MUSK: variants seen among roughly 807,000 people sequenced by gnomAD.
MUSK encodes the protein muscle, skeletal receptor tyrosine-protein kinase.
MUSK carries 55 observed loss-of-function variants against 88.7 expected under a neutral mutation model. That is an observed-to-expected ratio of 0.62 (90% CI 0.50 to 0.78). MUSK has a LOEUF of 0.78. Among genes scored for constraint, MUSK ranks in the 30% least tolerant of loss-of-function variants. The pLI, the probability that MUSK is intolerant of heterozygous loss-of-function variation, is 0.00. For missense variants in MUSK, 1,015 were observed against 1,074.3 expected, an observed-to-expected ratio of 0.94 and a Z score of 0.77; for synonymous variants, 387 against 391.9, an observed-to-expected ratio of 0.99 and a Z score of 0.15.
chr9:110,705,944 G>A, intron 5 of MUSK: 1 of 362,646 alleles, frequency 2.8e-6, no homozygotes, highest in Admixed American at 3.5e-5. Flanking sequence ...TACATTCTAA[G>A]ATGCTCATTA....
chr9:110,700,248 A>G (rs1016635976), intron 5 of MUSK, among the ~76,000 whole-genome samples: 12 of 152,194 alleles, frequency 7.9e-5, no homozygotes, highest in Non-Finnish European at 1.5e-4. Context: ...TTTAATTCTC[A>G]CTAAAAGTCT....
rs79170031 is a variant in MUSK, at chr9:110,703,062, C to G, written c.628+5596C>G. On this transcript the variant is annotated intron_variant, in intron 5 of 14. Coordinates refer to ENST00000374448, the MANE Select transcript of MUSK (RefSeq NM_005592.4). ...TTACATAGGCTTTTCATGGATATAC[C>G]TACACTGAGGATGAGTTCACAATGC... is the stretch of plus-strand genomic sequence containing the variant. 3.8e-3 allele frequency among the ~76,000 whole-genome samples: 579 copies of G among 152,160 alleles called. 3 individuals are homozygous for G. The highest frequency in any genetic ancestry group is 0.014 in the African/African-American group (561 of 41,512).
At chr9:110,728,848 T>G in intron 5 of MUSK, 1 of 641,112 alleles carries the variant, frequency 1.6e-6, no homozygotes. Context: ...TGGGGAATAT[T>G]AAGTCACAGC....
chr9:110,740,907 C>T (rs1197591357), intron 6 of MUSK, among the ~76,000 whole-genome samples: 1 of 151,994 alleles, frequency 6.6e-6, no homozygotes, highest in Non-Finnish European at 1.5e-5. Flanking sequence ...AGGCAAATAC[C>T]AAATGATCTC....
intron 11 of MUSK, 66 bp from the exon 12 acceptor site, chr9:110,784,749 C>A (rs1013264799): frequency 8.6e-6 from 11 of 1,272,080 alleles, no homozygotes; most frequent in Non-Finnish European, 1.2e-5. Flanking sequence ...TTACTGATTG[C>A]TTAAATACAA....
intron 3 of MUSK, 45 bp downstream of exon 3, chr9:110,687,313 G>T (rs762438306): frequency 6.2e-7 from 1 of 1,606,954 alleles, no homozygotes; most frequent in Non-Finnish European, 8.5e-7. Context: ...AGTTGACTTG[G>T]TACACTTAGT....
chr9:110,722,571 G>T (rs549936085), intron 5 of MUSK, among the ~76,000 whole-genome samples: 13 of 151,804 alleles, frequency 8.6e-5, no homozygotes, highest in African/African-American at 3.1e-4. Context: ...AAACTAAAAA[G>T]CTTCTGTACA....
intron 6 of MUSK, among the ~76,000 whole-genome samples, chr9:110,746,783 A>G (rs528597479): frequency 6.6e-6 from 1 of 152,240 alleles, no homozygotes; most frequent in East Asian, 1.9e-4. Flanking sequence ...CCTACTAAGG[A>G]TGTTTTCGGT....
chr9:110,740,773 T>C (rs1201260933), intron 6 of MUSK, among the ~76,000 whole-genome samples: 1 of 152,110 alleles, frequency 6.6e-6, no homozygotes, highest in Non-Finnish European at 1.5e-5. Context: ...TTCAGAAAGA[T>C]AGAAGGGAAG....
chr9:110,689,328 A>ATT, intron 3 of MUSK, among the ~76,000 whole-genome samples: 1 of 117,926 alleles, frequency 8.5e-6, no homozygotes, highest in African/African-American at 3.5e-5. Context: ...TATTAAATAT[A>ATT]TATTTAAATA....
chr9:110,776,097 G>A, intron 10 of MUSK, 134 bp downstream of exon 10: 1 of 816,946 alleles, frequency 1.2e-6, no homozygotes, highest in South Asian at 1.9e-5. Flanking sequence ...GCCTTCCTTA[G>A]ATACCTACTA....
At chr9:110,685,728 G>C (rs1465885504) in intron 2 of MUSK, among the ~76,000 whole-genome samples, 1 of 151,950 alleles carries the variant, frequency 6.6e-6, no homozygotes, top group Non-Finnish European at 1.5e-5. Flanking sequence ...GATAATTTAG[G>C]TATTCTTTAA....
intron 6 of MUSK, among the ~76,000 whole-genome samples, chr9:110,745,110 A>C (rs570236894): frequency 1.1e-4 from 17 of 152,320 alleles, no homozygotes; most frequent in Non-Finnish European, 5.9e-5. Flanking sequence ...AGCAGGGGGA[A>C]AAGCATTCAG....
At chr9:110,745,815 A>G (rs2131871452) in intron 6 of MUSK, among the ~76,000 whole-genome samples, 1 of 152,362 alleles carries the variant, frequency 6.6e-6, no homozygotes. Context: ...TGATACTCAC[A>G]TAAGCCAGTT....
chr9:110,731,520 T>C (rs189436216), intron 5 of MUSK, among the ~76,000 whole-genome samples: 2 of 152,166 alleles, frequency 1.3e-5, no homozygotes, highest in Admixed American at 1.3e-4. Flanking sequence ...TTTTATCATT[T>C]AGAGAGCATG....
At chr9:110,703,649 A>G (rs1460254296) in intron 5 of MUSK, among the ~76,000 whole-genome samples, 1 of 152,152 alleles carries the variant, frequency 6.6e-6, no homozygotes, top group African/African-American at 2.4e-5. Context: ...GAGTAATAGT[A>G]TATTAGAGAT....
At chr9:110,672,231 A>G (rs1456320067) in intron 1 of MUSK, among the ~76,000 whole-genome samples, 1 of 152,218 alleles carries the variant, frequency 6.6e-6, no homozygotes, top group Non-Finnish European at 1.5e-5. Context: ...AGGTAAATGA[A>G]GTAGGCAGCT....
intron 9 of MUSK, among the ~76,000 whole-genome samples, chr9:110,772,727 G>C (rs1295554440): frequency 1.3e-5 from 2 of 151,944 alleles, no homozygotes; most frequent in Non-Finnish European, 2.9e-5. Flanking sequence ...GTGTTTCCAA[G>C]AATGTTTTCT....
At chr9:110,696,869 G>A (rs1221918738) in intron 4 of MUSK, among the ~76,000 whole-genome samples, 1 of 151,788 alleles carries the variant, frequency 6.6e-6, no homozygotes, top group Non-Finnish European at 1.5e-5. Flanking sequence ...TAGTGGCCAA[G>A]TCTGAGATTT....
Sources: allele counts gnomAD v4.1 joint callset (sites outside exome capture counted in the v4.1 genomes callset), GRCh38; gene constraint gnomAD v4.1.1; transcripts MANE v1.5; gene names NCBI Gene and HGNC (gene_info 2026-07-23, HGNC 2026-07-21).